The following PLEKHA6 variants were observed in gnomAD, a reference collection of about 807,000 sequenced individuals.
PLEKHA6 encodes pleckstrin homology domain containing A6, also known as pleckstrin homology domain-containing family A member 6.
Under a neutral mutation model 116.7 loss-of-function variants are expected in PLEKHA6, and 60 were observed. The observed-to-expected ratio is 0.51, with a 90% CI of 0.42 to 0.64. The LOEUF is 0.64. Ranked by LOEUF, PLEKHA6 falls within the 30% of genes least tolerant of loss-of-function variation. PLEKHA6 has a pLI of 0.00. For synonymous variants in PLEKHA6, 489 were observed against 556.1 expected (o/e 0.88, Z 1.70); for missense variants, 1,338 against 1,422.7 (o/e 0.94, Z 0.96).
At chr1:204,263,594 A>G (rs1233837102) in intron 6 of PLEKHA6, among the ~76,000 whole-genome samples, 1 of 151,862 alleles carries the variant, frequency 6.6e-6, no homozygotes, top group Admixed American at 6.6e-5. Context: ...CAGAGAGGTG[A>G]TATCTGGGAT....
intron 1 of PLEKHA6, among the ~76,000 whole-genome samples, chr1:204,325,227 A>G (rs1672201052): frequency 6.6e-6 from 1 of 152,184 alleles, no homozygotes; most frequent in South Asian, 2.1e-4. Flanking sequence ...CCAGTTATCT[A>G]CAAGTTCAGC....
chr1:204,241,827 G>C lies in PLEKHA6; in HGVS notation c.2173-13C>G. On this transcript the variant is annotated splice_polypyrimidine_tract_variant and intron_variant, in intron 15 of 22. Coordinates refer to ENST00000272203, the MANE Select transcript of PLEKHA6 (RefSeq NM_014935.5). Reference sequence around the variant, plus strand: ...AGTTTGCCTTGGGCTGGGGAGAAAGGGTGAGAAGATGGTTGATGTTAGTAT... The same window carrying C: ...AGTTTGCCTTGGGCTGGGGAGAAAGCGTGAGAAGATGGTTGATGTTAGTAT... 1 of 1,614,000 alleles carries C rather than the reference G, an allele frequency of 6.2e-7. No individual in the cohort carries two copies. The highest frequency in any genetic ancestry group is 1.6e-4 in the Middle Eastern group (1 of 6,062).
At chr1:204,231,037 G>A (rs1440946480) in intron 17 of PLEKHA6, among the ~76,000 whole-genome samples, 1 of 152,194 alleles carries the variant, frequency 6.6e-6, no homozygotes, top group Non-Finnish European at 1.5e-5. Context: ...ACATCCATAA[G>A]AGCATACACT....
At chr1:204,313,553 T>C in intron 1 of PLEKHA6, 1 of 984,272 alleles carries the variant, frequency 1.0e-6, no homozygotes. Flanking sequence ...AAGCTGACCT[T>C]GAGGCTACTG....
intron 6 of PLEKHA6, among the ~76,000 whole-genome samples, chr1:204,263,726 CTGTT>C (rs1342659892): frequency 1.3e-5 from 2 of 151,478 alleles, no homozygotes; most frequent in South Asian, 2.1e-4. Flanking sequence ...GTGAGACAGG[CTGTT>C]TGATTGTGTG....
At chr1:204,317,680 C>T (rs1671910416) in intron 1 of PLEKHA6, among the ~76,000 whole-genome samples, 1 of 152,188 alleles carries the variant, frequency 6.6e-6, no homozygotes, top group African/African-American at 2.4e-5. Flanking sequence ...GGGTTGGGAA[C>T]TCAAATTAGT....
intron 1 of PLEKHA6, chr1:204,325,799 G>T: frequency 5.8e-6 from 3 of 518,952 alleles, no homozygotes; most frequent in Non-Finnish European, 7.4e-6. Flanking sequence ...ACTCTACTCT[G>T]CCTGTCCCTA....
intron 1 of PLEKHA6, among the ~76,000 whole-genome samples, chr1:204,320,984 CT>C (rs1440575839): frequency 1.3e-5 from 2 of 152,166 alleles, no homozygotes. Context: ...CTTGTAGCTT[CT>C]CCTTTGTGCC....
intron 1 of PLEKHA6, among the ~76,000 whole-genome samples, chr1:204,357,996 T>C (rs940099286): frequency 6.6e-6 from 1 of 152,154 alleles, no homozygotes; most frequent in African/African-American, 2.4e-5. Flanking sequence ...AGTAATTATC[T>C]GTGTAAGGCG....
chr1:204,316,894 G>A (rs867323965), intron 1 of PLEKHA6, among the ~76,000 whole-genome samples: 8 of 152,222 alleles, frequency 5.3e-5, no homozygotes, highest in Non-Finnish European at 1.2e-4. Context: ...GAAGAACGGA[G>A]AAGCCAAATG....
chr1:204,326,715 A>G (rs982416593), intron 1 of PLEKHA6, among the ~76,000 whole-genome samples: 2 of 152,234 alleles, frequency 1.3e-5, no homozygotes, highest in African/African-American at 2.4e-5. Context: ...TAAGAGTCGG[A>G]GGATAAATGT....
rs1257823865 is a variant in PLEKHA6 at position 204,259,120 on chromosome 1, A to T, written c.1007+138T>A. ...GCAGGATTTGGGCAAGCCAGGAAGC[A>T]TGGGATTTGCTTGGTTTCCCAACTC... On this transcript the variant is annotated intron_variant, in intron 8 of 22. Coordinates refer to ENST00000272203, the MANE Select transcript of PLEKHA6 (RefSeq NM_014935.5). This position sits in a 1 kb window ranked among gnomAD's most constrained non-coding sequence, Gnocchi z 4.6. 3.1e-6 allele frequency: 3 copies of T among 975,536 alleles called. No homozygotes were observed. Among genetic ancestry groups the T allele is most frequent in the East Asian group, 5.3e-5 (2 of 38,038 alleles). The allele number at this position is 975,536 out of a possible 1,614,324, so 60.4% of individuals were successfully genotyped here. A position where few individuals can be genotyped will look rare whatever the true frequency, so the allele number is the denominator to read the frequency against.
At chr1:204,308,172 C>G (rs948960183) in intron 1 of PLEKHA6, among the ~76,000 whole-genome samples, 4 of 152,168 alleles carry the variant, frequency 2.6e-5, no homozygotes, top group Non-Finnish European at 5.9e-5. Context: ...GATAAGAGAG[C>G]TGAGGCCAGG....
At chr1:204,269,491 A>G (rs1460980678) in intron 3 of PLEKHA6, among the ~76,000 whole-genome samples, 2 of 148,856 alleles carry the variant, frequency 1.3e-5, no homozygotes, top group Non-Finnish European at 3.0e-5. Context: ...GTTGCCACAG[A>G]GCCACAGTCC....
intron 11 of PLEKHA6, 42 bp downstream of exon 11, chr1:204,249,142 T>C: frequency 1.3e-6 from 2 of 1,550,270 alleles, no homozygotes; most frequent in South Asian, 2.2e-5. Flanking sequence ...CAAGCCAGCC[T>C]CGCCCATCTG....
At chr1:204,231,569 C>CTT (rs142955448) in intron 17 of PLEKHA6, among the ~76,000 whole-genome samples, 322 of 138,926 alleles carry the variant, frequency 2.3e-3, no homozygotes, top group South Asian at 7.6e-3. Context: ...TTTTTTCTTT[C>CTT]TTTTTTTTTT....
chr1:204,343,488 A>G (rs1672918654), intron 1 of PLEKHA6, among the ~76,000 whole-genome samples: 1 of 152,196 alleles, frequency 6.6e-6, no homozygotes, highest in Non-Finnish European at 1.5e-5. Context: ...AGCCAAGTGC[A>G]AACCCAGGCA....
At chr1:204,314,058 G>A (rs1248999372) in intron 1 of PLEKHA6, among the ~76,000 whole-genome samples, 1 of 152,176 alleles carries the variant, frequency 6.6e-6, no homozygotes, top group Admixed American at 6.5e-5. Flanking sequence ...GTGGGAAAGT[G>A]AGGGTCCCCA....
intron 2 of PLEKHA6, chr1:204,369,466 C>T (rs534230004): frequency 6.6e-6 from 1 of 152,328 alleles, no homozygotes; most frequent in East Asian, 1.9e-4. Flanking sequence ...TGGCAGTCTC[C>T]CCAAGTAGAG....
Sources: allele counts gnomAD v4.1 joint callset (sites outside exome capture counted in the v4.1 genomes callset), GRCh38; gene constraint gnomAD v4.1.1; non-coding constraint Gnocchi (gnomAD v3.1); transcripts MANE v1.5; gene names NCBI Gene and HGNC (gene_info 2026-07-23, HGNC 2026-07-21).